SOX10: variants seen among roughly 807,000 people sequenced by gnomAD.
SOX10 encodes transcription factor SOX-10.
SOX10 carries 3 observed loss-of-function variants against 35.0 expected under a neutral mutation model. The ratio of observed to expected loss-of-function variants is 0.09; its 90% confidence interval spans 0.04 to 0.22. SOX10 has a LOEUF of 0.22. Ranked by LOEUF, SOX10 falls within the 10% of genes least tolerant of loss-of-function variation. The pLI is 1.00. For missense variants in SOX10, 436 were observed against 655.1 expected, an observed-to-expected ratio of 0.67 and a Z score of 3.65; for synonymous variants, 285 against 291.0, an observed-to-expected ratio of 0.98 and a Z score of 0.21.
intron 2 of SOX10, among the ~76,000 whole-genome samples, chr22:37,982,747 T>TAGGA (rs1932439681): frequency 2.0e-5 from 3 of 151,896 alleles, no homozygotes; most frequent in Admixed American, 2.0e-4. Flanking sequence ...GTCCTCTCCC[T>TAGGA]AGGAGGATGA....
chr22:37,972,464 C>T lies in SOX10; in HGVS notation c.*1031G>A, dbSNP rs1210944059. The T allele has an allele frequency of 5.8e-6, 2 of 344,764 alleles. No homozygotes were observed. The highest frequency in any genetic ancestry group is 1.1e-5 in the Non-Finnish European group (2 of 173,956). The allele number at this position is 344,764 out of a possible 1,614,324, so 21.4% of individuals were successfully genotyped here. A position where few individuals can be genotyped will look rare whatever the true frequency, so the allele number is the denominator to read the frequency against. The stretch of plus-strand genomic sequence containing the variant: ...GGGCTGCAGAACAGGAAAATAGGGG[C>T]AGATATAGCTACATACTTTATTCAA... On this transcript the variant is annotated 3_prime_UTR_variant, in exon 4 of 4. Transcript: ENST00000396884.
chr22:37,976,244 A>C (rs189661461), intron 3 of SOX10, among the ~76,000 whole-genome samples: 48 of 152,230 alleles, frequency 3.2e-4, no homozygotes, highest in African/African-American at 8.2e-4. Flanking sequence ...AAAACAAAAA[A>C]AAGACAGAGT....
rs543698377 is a variant in SOX10, at chr22:37,979,478, G to C, written c.429-1343C>G. Among the ~76,000 whole-genome samples, 9 of 152,138 alleles carry C rather than the reference G, an allele frequency of 5.9e-5. No individual in the cohort carries two copies. In the South Asian group the frequency reaches 1.9e-3, roughly 32 times the overall value. ...GGTTGGACTCTTAACTCTGGGTCCT[G>C]ATTGTGTGAATTCCAGTGTGGTGGG... is the stretch of plus-strand genomic sequence containing the variant. On this transcript the variant is annotated intron_variant, in intron 2 of 3. Coordinates refer to ENST00000396884, the MANE Select transcript of SOX10 (RefSeq NM_006941.4).
chr22:37,982,217 G>A (rs1932421426), intron 2 of SOX10, among the ~76,000 whole-genome samples: 1 of 152,224 alleles, frequency 6.6e-6, no homozygotes, highest in African/African-American at 2.4e-5. Flanking sequence ...TCTGGACAGA[G>A]AGTATGGGAG....
Position 37,983,792 on chromosome 22 carries a change from C to A in SOX10, c.-8G>T. 7.0e-7 allele frequency: 1 copy of A among 1,429,150 alleles called. No homozygotes were observed. Among genetic ancestry groups the A allele is most frequent in the Non-Finnish European group, 9.2e-7 (1 of 1,090,718 alleles). The allele number at this position is 1,429,150 out of a possible 1,614,324, so 88.5% of individuals were successfully genotyped here. A position where few individuals can be genotyped will look rare whatever the true frequency, so the allele number is the denominator to read the frequency against. ...GTCCTGCTCCTCCGCCATGTCGCCC[C>A]CGGCCGCCGCCGCCGCCGCCTCGGC... On this transcript the variant is annotated 5_prime_UTR_variant, in exon 2 of 4. Coordinates refer to ENST00000396884, the MANE Select transcript of SOX10 (RefSeq NM_006941.4). The surrounding 1 kb of genome is among the most constrained non-coding windows in gnomAD (Gnocchi z 9.5).
rs958682397 is a variant in SOX10 at position 37,978,191 on chromosome 22, G to C, written c.429-56C>G. On this transcript the variant is annotated intron_variant, in intron 2 of 3. Transcript: ENST00000396884. The surrounding 1 kb of genome is among the most constrained non-coding windows in gnomAD (Gnocchi z 5.0). ...CAGAGGGGCTGGCGTGAATGCCAGAGCACTCCAGGTTGGCCTCCCTCTGAG... is the reference window on the plus strand; with the variant it reads ...CAGAGGGGCTGGCGTGAATGCCAGACCACTCCAGGTTGGCCTCCCTCTGAG... The C allele has an allele frequency of 1.4e-6, 2 of 1,462,476 alleles. No homozygotes were observed. The highest frequency in any genetic ancestry group is 2.8e-5 in the African/African-American group (2 of 71,316). 90.6% of individuals were successfully genotyped at this position (1,462,476 alleles called of 1,614,324 possible). A position where few individuals can be genotyped will look rare whatever the true frequency, so the allele number is the denominator to read the frequency against.
At position 37,980,171 on chromosome 22, in the gene SOX10, C is replaced by CA. The variant is rs1397980366; in HGVS notation, c.429-2037dup. On this transcript the variant is annotated intron_variant, in intron 2 of 3. Transcript: ENST00000396884. This position sits in a 1 kb window ranked among gnomAD's most constrained non-coding sequence, Gnocchi z 4.1. ...GATGCCGGAGCAGGGCCTTGAGAGT[C>CA]AGGGAGTGGGATGTGGGCACCCTCT... Among the ~76,000 whole-genome samples the CA allele has an allele frequency of 2.0e-5, 3 of 152,112 alleles. No homozygotes were observed. Among genetic ancestry groups the CA allele is most frequent in the African/African-American group, 7.2e-5 (3 of 41,410 alleles).
In SOX10 at chr22:37,973,917, C is replaced by T; in HGVS notation, c.979G>A (p.Ala327Thr). 1 of 1,610,156 alleles carries T rather than the reference C, an allele frequency of 6.2e-7. No individual in the cohort carries two copies. The highest frequency in any genetic ancestry group is 8.5e-7 in the Non-Finnish European group (1 of 1,179,912). ...GYGLGSALAV[A>T]SGHSAWISKP... ...GAGATCCAGGCGGAGTGTCCACTGG[C>T]CACGGCCAGGGCACTGCCCAGCCCA... is the stretch of plus-strand genomic sequence containing the variant. The change falls in exon 4 of 4, where the codon GCC becomes ACC. Residue 327 changes from alanine (A) to threonine (T), a missense_variant. Around this residue, in one of 3 missense-constraint regions of SOX10, gnomAD observed 285 missense variants for 402.9 expected, o/e 0.71. Transcript: ENST00000396884.
At chr22:37,977,577 C>T (rs527960271) in intron 3 of SOX10, among the ~76,000 whole-genome samples, 2 of 152,212 alleles carry the variant, frequency 1.3e-5, no homozygotes, top group East Asian at 3.9e-4. Flanking sequence ...TCCTCGGCCT[C>T]CCAAAGTGCT....
chr22:37,976,092 G>A (rs1008496111), intron 3 of SOX10, among the ~76,000 whole-genome samples: 13 of 152,016 alleles, frequency 8.6e-5, no homozygotes, highest in African/African-American at 1.5e-4. Context: ...GTGTGGTGGC[G>A]TGCATCTGTA....
chr22:37,973,917 C>G lies in SOX10; in HGVS notation c.979G>C (p.Ala327Pro). ...GAGATCCAGGCGGAGTGTCCACTGG[C>G]CACGGCCAGGGCACTGCCCAGCCCA... ...GYGLGSALAV[A>P]SGHSAWISKP... is the part of the protein sequence containing the mutation. Residue 327 changes from alanine to proline, a missense_variant, in exon 4 of 4, where the codon GCC becomes CCC. Ala to Pro is a conservative substitution (Grantham distance 27, BLOSUM62 -1). This residue lies in a region of SOX10 where 285 missense variants were observed against 402.9 expected (regional missense o/e 0.71). Transcript: ENST00000396884. 6.2e-7 allele frequency: 1 copy of G among 1,610,156 alleles called. No individual in the cohort carries two copies.
In SOX10 at chr22:37,973,499, G is replaced by A; in HGVS notation, c.1397C>T (p.Pro466Leu). The A allele has an allele frequency of 6.3e-7, 1 of 1,591,426 alleles. No homozygotes were observed. Among genetic ancestry groups the A allele is most frequent in the Non-Finnish European group, 8.6e-7 (1 of 1,168,214 alleles). Residue 466 changes from proline to leucine, a missense_variant, in exon 4 of 4, where the codon CCC (proline) becomes CTC (leucine). By Grantham distance (98) the Pro-to-Leu change is moderately conservative (BLOSUM62 -3). This residue lies in a region of SOX10 where 285 missense variants were observed against 402.9 expected (regional missense o/e 0.71). Transcript: ENST00000396884. ...EQPVYTTLSR[P>L] ...GTGGTGGCGACAGGGCCCCCTTTAG[G>A]GCCGGGACAGTGTCGTATATACTGG...
chr22:37,981,405 C>T (rs1047102629), intron 2 of SOX10, among the ~76,000 whole-genome samples: 1 of 152,228 alleles, frequency 6.6e-6, no homozygotes, highest in Admixed American at 6.5e-5. Context: ...GGGTCCTCAG[C>T]AAGTAGTGCC....
chr22:37,981,468 G>GGCACAC (rs1932394197), intron 2 of SOX10, among the ~76,000 whole-genome samples: 1 of 152,272 alleles, frequency 6.6e-6, no homozygotes, highest in African/African-American at 2.4e-5. Context: ...CAGCTTGAGT[G>GGCACAC]ATGGCCAAGA....
Position 37,983,335 on chromosome 22 carries a change from C to A in SOX10, c.428+22G>T. ...CACCCGAAGCTAGAGGGCCCGAGCCCGGGGGGCGGTCGGGTGCTCACCTCC... is the reference window on the plus strand; with the variant it reads ...CACCCGAAGCTAGAGGGCCCGAGCCAGGGGGGCGGTCGGGTGCTCACCTCC... On this transcript the variant is annotated intron_variant, in intron 2 of 3. Coordinates refer to ENST00000396884, the MANE Select transcript of SOX10 (RefSeq NM_006941.4). The surrounding 1 kb of genome is among the most constrained non-coding windows in gnomAD (Gnocchi z 9.5). 2 of 1,595,920 alleles carry A rather than the reference C, an allele frequency of 1.3e-6. No homozygotes were observed. The highest frequency in any genetic ancestry group is 8.5e-7 in the Non-Finnish European group (1 of 1,172,922).
rs1932452784 is a variant in SOX10, at chr22:37,983,159, C to T, written c.428+198G>A. ...CCGCCGCCCCGTAGGGAGACCCGGC[C>T]TAGGCCGCTGGAGTTCCGAGTTCCA... On this transcript the variant is annotated intron_variant, in intron 2 of 3. Coordinates refer to ENST00000396884, the MANE Select transcript of SOX10 (RefSeq NM_006941.4). This position sits in a 1 kb window ranked among gnomAD's most constrained non-coding sequence, Gnocchi z 9.5. 6.6e-6 allele frequency among the ~76,000 whole-genome samples: 1 copy of T among 152,236 alleles called. No homozygotes were observed. The highest frequency in any genetic ancestry group is 6.5e-5 in the Admixed American group (1 of 15,288).
chr22:37,978,859 C>G lies in SOX10; in HGVS notation c.429-724G>C, dbSNP rs910733789. The stretch of plus-strand genomic sequence containing the variant: ...TGGTATGATCTCAGCTCACTGCAAC[C>G]TCTGCCTCCCAGGTTCAAGTGATTC... On this transcript the variant is annotated intron_variant, in intron 2 of 3. Transcript: ENST00000396884. This position sits in a 1 kb window ranked among gnomAD's most constrained non-coding sequence, Gnocchi z 5.0. Among the ~76,000 whole-genome samples, 1 of 152,142 alleles carries G rather than the reference C, an allele frequency of 6.6e-6. No homozygotes were observed. Among genetic ancestry groups the G allele is most frequent in the East Asian group, 1.9e-4 (1 of 5,200 alleles).
intron 2 of SOX10, among the ~76,000 whole-genome samples, chr22:37,979,682 C>T (rs1333291158): frequency 6.6e-6 from 1 of 152,052 alleles, no homozygotes. Flanking sequence ...CTGAAGCCAG[C>T]GCCCTTGCCA....
At chr22:37,976,618 A>G (rs1406550600) in intron 3 of SOX10, among the ~76,000 whole-genome samples, 1 of 152,224 alleles carries the variant, frequency 6.6e-6, no homozygotes, top group Admixed American at 6.5e-5. Context: ...TGCCAAGCAG[A>G]TGCCCGGGAG....
Sources: allele counts gnomAD v4.1 joint callset (sites outside exome capture counted in the v4.1 genomes callset), GRCh38; gene constraint gnomAD v4.1.1; regional missense constraint gnomAD v4.1.1; non-coding constraint Gnocchi (gnomAD v3.1); transcripts MANE v1.5; gene names NCBI Gene and HGNC (gene_info 2026-07-23, HGNC 2026-07-21).